Variants in ARHGAP42 observed in about 807,000 individuals in gnomAD.
ARHGAP42 encodes rho GTPase-activating protein 42.
Under a neutral mutation model 125.0 loss-of-function variants are expected in ARHGAP42, and 63 were observed. That is an observed-to-expected ratio of 0.50 (90% CI 0.41 to 0.62). The LOEUF (loss-of-function observed/expected upper bound fraction) is 0.62. Among genes scored for constraint, ARHGAP42 ranks in the 20% least tolerant of loss-of-function variants. The probability of loss-of-function intolerance (pLI) is 0.00; values close to 1 mark genes in which losing one functional copy is unlikely to be tolerated. For synonymous variants in ARHGAP42, 339 were observed against 351.0 expected (o/e 0.97, Z 0.38); for missense variants, 766 against 1,024.2 (o/e 0.75, Z 3.44).
intron 1 of ARHGAP42, among the ~76,000 whole-genome samples, chr11:100,749,118 C>G (rs776329935): frequency 1.3e-4 from 20 of 152,060 alleles, no homozygotes; most frequent in Non-Finnish European, 2.1e-4. Context: ...GGGAGTGGAG[C>G]TACTCTTTCT....
chr11:100,962,595 G>T (rs564241416), intron 16 of ARHGAP42, 128 bp downstream of exon 16: 1 of 839,342 alleles, frequency 1.2e-6, no homozygotes, highest in South Asian at 1.9e-5. Context: ...TGTTAATCTG[G>T]GCCGGGTGCG....
chr11:100,992,228 C>A lies in ARHGAP42; in HGVS notation c.*3427C>A. 6.8e-7 allele frequency: 1 copy of A among 1,471,100 alleles called. No individual in the cohort carries two copies. The highest frequency in any genetic ancestry group is 1.4e-5 in the African/African-American group (1 of 70,868). The allele number at this position is 1,471,100 out of a possible 1,614,324, so 91.1% of individuals were successfully genotyped here. On this transcript the variant is annotated 3_prime_UTR_variant, in exon 24 of 24. Coordinates refer to ENST00000298815, the MANE Select transcript of ARHGAP42 (RefSeq NM_152432.4). ...AACCCCAACTAGACTTATACTTTGA[C>A]TAAAGTCAGAGGCAGACCAATTTAG...
intron 10 of ARHGAP42, among the ~76,000 whole-genome samples, chr11:100,944,666 C>T (rs953201408): frequency 6.6e-6 from 1 of 151,916 alleles, no homozygotes; most frequent in African/African-American, 2.4e-5. Flanking sequence ...CTGAGTTTCT[C>T]GGTGCATATA....
At position 100,913,502 on chromosome 11, in the gene ARHGAP42, T is replaced by C. The variant is rs1866981076; in HGVS notation, c.435T>C (p.Leu145=). Residue 145 remains leucine (L), a synonymous_variant, in exon 5 of 24, where the codon CTT becomes CTC. Coordinates refer to ENST00000298815, the MANE Select transcript of ARHGAP42 (RefSeq NM_152432.4). ...DKESEKYYSI[L]EKHLNLSAKK... is the part of the protein sequence containing the mutation. Reference sequence around the variant, plus strand: ...AGAGTGAAAAATATTACTCTATCCTTGAAAAGCATTTAAATTTGTCCGCAA... The same window carrying C: ...AGAGTGAAAAATATTACTCTATCCTCGAAAAGCATTTAAATTTGTCCGCAA... 1 of 1,299,030 alleles carries C rather than the reference T, an allele frequency of 7.7e-7. No individual in the cohort carries two copies. Among genetic ancestry groups the C allele is most frequent in the South Asian group, 1.3e-5 (1 of 79,216 alleles). The allele number at this position is 1,299,030 out of a possible 1,614,324, so 80.5% of individuals were successfully genotyped here.
At position 100,852,337 on chromosome 11, in the gene ARHGAP42, G is replaced by A. The variant is rs1591238436; in HGVS notation, c.313-7217G>A. ...TGCAATTGCTATAAAATATGACTGG[G>A]AATTTATTTAATGCATTTTATTTGC... On this transcript the variant is annotated intron_variant, in intron 3 of 23. Transcript: ENST00000298815. Among the ~76,000 whole-genome samples the A allele has an allele frequency of 2.0e-5, 3 of 152,234 alleles. No individual in the cohort carries two copies. The East Asian group carries it at 5.8e-4, about 29-fold the overall frequency.
chr11:100,729,679 G>A (rs925334888), intron 1 of ARHGAP42, among the ~76,000 whole-genome samples: 5 of 151,902 alleles, frequency 3.3e-5, no homozygotes, highest in African/African-American at 7.3e-5. Flanking sequence ...ATTTCTAAAC[G>A]TATTATTTGC....
At chr11:100,770,500 C>A (rs1030414395) in intron 2 of ARHGAP42, 62 bp downstream of exon 2, 2 of 1,105,850 alleles carry the variant, frequency 1.8e-6, no homozygotes, top group African/African-American at 3.2e-5. Context: ...ATCAAATAGA[C>A]ACACACCTAA....
At chr11:100,711,781 G>A (rs1213568664) in intron 1 of ARHGAP42, among the ~76,000 whole-genome samples, 1 of 152,164 alleles carries the variant, frequency 6.6e-6, no homozygotes, top group Non-Finnish European at 1.5e-5. Context: ...ACTACACACA[G>A]GACAGTTGAT....
intron 4 of ARHGAP42, among the ~76,000 whole-genome samples, chr11:100,899,722 G>GTTTTTT (rs767815247): frequency 3.0e-4 from 20 of 67,172 alleles, no homozygotes; most frequent in Non-Finnish European, 4.9e-4. Flanking sequence ...TTTGTGTTTT[G>GTTTTTT]TTTTTTTTTT....
intron 19 of ARHGAP42, among the ~76,000 whole-genome samples, 188 bp from the exon 20 acceptor site, chr11:100,975,869 C>G (rs1015686590): frequency 6.6e-6 from 1 of 152,120 alleles, no homozygotes; most frequent in Non-Finnish European, 1.5e-5. Flanking sequence ...TTGGCAAGTT[C>G]AAATGCATAT....
At chr11:100,962,348 A>C in intron 15 of ARHGAP42, 61 bp from the exon 16 acceptor site, 1 of 1,323,752 alleles carries the variant, frequency 7.6e-7, no homozygotes, top group Non-Finnish European at 1.0e-6. Context: ...GAAACACTTA[A>C]CGTTTAGGGG....
At chr11:100,844,976 G>T (rs182280369) in intron 3 of ARHGAP42, among the ~76,000 whole-genome samples, 948 of 152,036 alleles carry the variant, frequency 6.2e-3, no homozygotes, top group African/African-American at 0.021. Flanking sequence ...ATATGAAAAA[G>T]ATACTTGCAC....
rs1329373677 is a variant in ARHGAP42 at position 100,779,466 on chromosome 11, A to T, written c.250+9028A>T. Among the ~76,000 whole-genome samples, 90 of 58,166 alleles carry T rather than the reference A, an allele frequency of 1.5e-3. 1 individual carries two copies. Among genetic ancestry groups the T allele is most frequent in the East Asian group, 4.7e-3 (8 of 1,718 alleles). 38.2% of individuals were successfully genotyped at this position (58,166 alleles called of 152,430 possible). A position where few individuals can be genotyped will look rare whatever the true frequency, so the allele number is the denominator to read the frequency against. The stretch of plus-strand genomic sequence containing the variant: ...GTCTCAAAAAAAAAAAAAAAAAAAA[A>T]AATATATATATATATATATACACAC... On this transcript the variant is annotated intron_variant, in intron 2 of 23. Coordinates refer to ENST00000298815, the MANE Select transcript of ARHGAP42 (RefSeq NM_152432.4).
chr11:100,734,776 A>C (rs1223711772), intron 1 of ARHGAP42, among the ~76,000 whole-genome samples: 1 of 152,238 alleles, frequency 6.6e-6, no homozygotes, highest in Non-Finnish European at 1.5e-5. Context: ...CTTAACTCAC[A>C]GAAACAGATG....
rs1332396049 is a variant in ARHGAP42 at position 100,943,915 on chromosome 11, G to A, written c.1043+47G>A. ...TTATTTTTTTCATAAGCTAAACGGT[G>A]TCTCTTTCTGTATTTAAATATAAAC... On this transcript the variant is annotated intron_variant, in intron 10 of 23. Coordinates refer to ENST00000298815, the MANE Select transcript of ARHGAP42 (RefSeq NM_152432.4). 1.1e-5 allele frequency: 13 copies of A among 1,205,670 alleles called. No individual in the cohort carries two copies. The African/African-American group carries it at 2.0e-4, about 19-fold the overall frequency. 74.7% of individuals were successfully genotyped at this position (1,205,670 alleles called of 1,614,324 possible).
At chr11:100,964,032 A>G (rs1858025060) in intron 16 of ARHGAP42, among the ~76,000 whole-genome samples, 2 of 151,704 alleles carry the variant, frequency 1.3e-5, no homozygotes, top group South Asian at 4.1e-4. Context: ...GATATTTAAA[A>G]TATCTTATAT....
intron 1 of ARHGAP42, among the ~76,000 whole-genome samples, chr11:100,752,533 AC>A (rs1862483676): frequency 6.6e-6 from 1 of 152,144 alleles, no homozygotes; most frequent in African/African-American, 2.4e-5. Context: ...GAGCCAGACT[AC>A]TGTGACTACT....
chr11:100,842,916 G>A (rs1333848683), intron 3 of ARHGAP42, among the ~76,000 whole-genome samples: 3 of 151,616 alleles, frequency 2.0e-5, no homozygotes, highest in African/African-American at 7.3e-5. Flanking sequence ...AGGAACTAGA[G>A]AAACAAGAAA....
At chr11:100,765,609 A>G (rs1251732001) in intron 1 of ARHGAP42, among the ~76,000 whole-genome samples, 1 of 152,190 alleles carries the variant, frequency 6.6e-6, no homozygotes, top group Non-Finnish European at 1.5e-5. Flanking sequence ...CTGTCAGAGA[A>G]TTTATCGATT....
Sources: allele counts gnomAD v4.1 joint callset (sites outside exome capture counted in the v4.1 genomes callset), GRCh38; gene constraint gnomAD v4.1.1; transcripts MANE v1.5; gene names NCBI Gene and HGNC (gene_info 2026-07-23, HGNC 2026-07-21).